Variants in BAZ1B observed in about 807,000 individuals in gnomAD.
BAZ1B encodes bromodomain adjacent to zinc finger domain 1B.
Under a neutral mutation model 153.8 loss-of-function variants are expected in BAZ1B, and 22 were observed. That is an observed-to-expected ratio of 0.14 (90% CI 0.10 to 0.20). The LOEUF is 0.20. BAZ1B is among the 10% of genes least tolerant of loss of function. The pLI is 1.00. For missense variants in BAZ1B, 1,325 were observed against 1,799.3 expected (o/e 0.74, Z 4.77); for synonymous variants, 676 against 633.4 (o/e 1.07, Z -1.01).
chr7:73,477,401 G>C lies in BAZ1B; in HGVS notation c.2060C>G (p.Ser687Cys). The C allele has an allele frequency of 6.2e-7, 1 of 1,614,272 alleles. No individual in the cohort carries two copies. Among genetic ancestry groups the C allele is most frequent in the South Asian group, 1.1e-5 (1 of 91,092 alleles). Residue 687 changes from serine to cysteine, a missense_variant, in exon 7 of 20, where the codon TCT becomes TGT. Coordinates refer to ENST00000339594, the MANE Select transcript of BAZ1B (RefSeq NM_032408.4). The surrounding 1 kb of genome is among the most constrained non-coding windows in gnomAD (Gnocchi z 5.6). ...GCAGAGCCGCACCAGCTCTGAAACAGAATGCAGAGTCAAGGGGATTTCCGA... is the reference window on the plus strand; with the variant it reads ...GCAGAGCCGCACCAGCTCTGAAACACAATGCAGAGTCAAGGGGATTTCCGA... ...KLSEIPLTLH[S>C]VSELVRLCLR...
intron 11 of BAZ1B, 99 bp from the exon 12 acceptor site, chr7:73,463,198 C>A: frequency 3.8e-5 from 39 of 1,021,914 alleles, no homozygotes; most frequent in Middle Eastern, 2.2e-4. Flanking sequence ...AGAAAACTTA[C>A]TTAGATCTCT....
At chr7:73,492,457 C>T (rs1464746976) in intron 5 of BAZ1B, among the ~76,000 whole-genome samples, 6 of 152,244 alleles carry the variant, frequency 3.9e-5, no homozygotes, top group East Asian at 1.9e-4. Context: ...CCACCACGCC[C>T]GGCCTGACTG....
At chr7:73,479,190 CCT>C (rs1354778402) in intron 6 of BAZ1B, among the ~76,000 whole-genome samples, 4 of 152,002 alleles carry the variant, frequency 2.6e-5, no homozygotes, top group African/African-American at 9.7e-5. Flanking sequence ...CTCAAACTCC[CCT>C]TTGTCCTCAC....
At chr7:73,494,307 C>T (rs944935425) in intron 4 of BAZ1B, among the ~76,000 whole-genome samples, 1 of 151,966 alleles carries the variant, frequency 6.6e-6, no homozygotes, top group Non-Finnish European at 1.5e-5. Flanking sequence ...TGCTTGAACC[C>T]GGGAGGTGGA....
rs1273524901 is a variant in BAZ1B, at chr7:73,470,473, T to C, written c.2604A>G (p.Glu868=). 6 of 1,612,618 alleles carry C rather than the reference T, an allele frequency of 3.7e-6. No homozygotes were observed. The highest frequency in any genetic ancestry group is 5.1e-6 in the Non-Finnish European group (6 of 1,179,606). ...GTATTCGTTCTTCTTCAGCTTGGCGTTCCAGTTTCACTGTTAAAAATAAAA... is the reference window on the plus strand; with the variant it reads ...GTATTCGTTCTTCTTCAGCTTGGCGCTCCAGTTTCACTGTTAAAAATAAAA... ...IQEREMKVKL[E]RQAEEERIRK... The change falls in exon 8 of 20, where the codon GAA becomes GAG. Residue 868 remains glutamate (E), a synonymous_variant. Transcript: ENST00000339594.
In BAZ1B at chr7:73,444,133, A is replaced by G. The variant is rs782145930; in HGVS notation, c.3845-4T>C. On this transcript the variant is annotated splice_polypyrimidine_tract_variant and splice_region_variant and intron_variant, in intron 16 of 19. Coordinates refer to ENST00000339594, the MANE Select transcript of BAZ1B (RefSeq NM_032408.4). ...CGGATGGTCTTTCGAGGTCTCACTG[A>G]AAGAAAAACTATGGATTCAGCAGAG... The G allele has an allele frequency of 6.3e-7, 1 of 1,588,212 alleles. No homozygotes were observed. Among genetic ancestry groups the G allele is most frequent in the Middle Eastern group, 1.7e-4 (1 of 5,950 alleles).
chr7:73,516,826 C>A (rs1380406892), intron 1 of BAZ1B, among the ~76,000 whole-genome samples: 1 of 148,696 alleles, frequency 6.7e-6, no homozygotes, highest in Admixed American at 6.8e-5. Flanking sequence ...TCCTACAACC[C>A]CTAACAACGG....
intron 8 of BAZ1B, among the ~76,000 whole-genome samples, 161 bp downstream of exon 8, chr7:73,470,184 T>C (rs1420862137): frequency 1.3e-5 from 2 of 152,240 alleles, no homozygotes; most frequent in Non-Finnish European, 2.9e-5. Context: ...AACTCTAGCA[T>C]TTGGCAGTTA....
chr7:73,497,039 A>G (rs142265173), intron 4 of BAZ1B, among the ~76,000 whole-genome samples: 25 of 147,240 alleles, frequency 1.7e-4, no homozygotes, highest in Non-Finnish European at 3.0e-4. Flanking sequence ...GACCAGCCTG[A>G]ACAACATCGT....
intron 5 of BAZ1B, 58 bp downstream of exon 5, chr7:73,492,742 C>G (rs980742169): frequency 7.4e-6 from 11 of 1,483,694 alleles, no homozygotes; most frequent in South Asian, 6.6e-5. Context: ...CAAAAGCAAC[C>G]CTATGATATT....
In BAZ1B at chr7:73,449,563, G is replaced by A. The variant is rs1787958857; in HGVS notation, c.3707C>T (p.Ala1236Val). 6.2e-7 allele frequency: 1 copy of A among 1,612,928 alleles called. No individual in the cohort carries two copies. ...TCACCTGCCACGGGAGTTGCGCCTG[G>A]CAGTAGCGGGCTGGCAAGCTGGGCA... is the stretch of plus-strand genomic sequence containing the variant. ...WQCPACQPAT[A>V]RRNSRGRNYT... Residue 1236 changes from alanine (A) to valine (V), a missense_variant, in exon 15 of 20, where the codon GCC becomes GTC. This residue lies in a region of BAZ1B where 271 missense variants were observed against 337.2 expected (regional missense o/e 0.80). Coordinates refer to ENST00000339594, the MANE Select transcript of BAZ1B (RefSeq NM_032408.4).
intron 1 of BAZ1B, among the ~76,000 whole-genome samples, chr7:73,512,152 A>G (rs1790610678): frequency 6.6e-6 from 1 of 151,522 alleles, no homozygotes; most frequent in African/African-American, 2.4e-5. Flanking sequence ...ATTTACCCAC[A>G]GCCCTCCAGT....
At chr7:73,475,829 C>T (rs1426143106) in intron 7 of BAZ1B, among the ~76,000 whole-genome samples, 2 of 149,430 alleles carry the variant, frequency 1.3e-5, no homozygotes, top group Non-Finnish European at 3.0e-5. Context: ...GAGGCTGAGG[C>T]AGGAGAATCG....
Position 73,508,425 on chromosome 7 carries a change from T to C in BAZ1B, c.271A>G (p.Met91Val), listed in dbSNP as rs1790433031. Residue 91 changes from methionine to valine, a missense_variant, in exon 3 of 20, where the codon ATG (methionine) becomes GTG (valine). Met to Val is a conservative substitution (Grantham distance 21). Coordinates refer to ENST00000339594, the MANE Select transcript of BAZ1B (RefSeq NM_032408.4). ...PAWYEKLVLE[M>V]VHHNTASLEK... is the part of the protein sequence containing the mutation. Reference sequence around the variant, plus strand: ...AAGGAGGCTGTGTTATGGTGAACCATTTCCAGAACAAGCTTCTCATACCAG... The same window carrying C: ...AAGGAGGCTGTGTTATGGTGAACCACTTCCAGAACAAGCTTCTCATACCAG... 1 of 1,613,422 alleles carries C rather than the reference T, an allele frequency of 6.2e-7. No individual in the cohort carries two copies. Among genetic ancestry groups the C allele is most frequent in the African/African-American group, 1.3e-5 (1 of 74,926 alleles).
intron 9 of BAZ1B, among the ~76,000 whole-genome samples, chr7:73,467,603 T>G (rs1788645010): frequency 6.6e-6 from 1 of 152,158 alleles, no homozygotes; most frequent in Non-Finnish European, 1.5e-5. Flanking sequence ...ACTCTTGAGC[T>G]CAAGTGATCC....
intron 5 of BAZ1B, among the ~76,000 whole-genome samples, chr7:73,491,972 C>T (rs1377062675): frequency 1.3e-5 from 2 of 150,220 alleles, no homozygotes; most frequent in African/African-American, 2.4e-5. Context: ...ATCTTAGTTC[C>T]AATCAGCAAA....
intron 12 of BAZ1B, among the ~76,000 whole-genome samples, chr7:73,461,890 G>C (rs1788408315): frequency 6.6e-6 from 1 of 152,192 alleles, no homozygotes; most frequent in African/African-American, 2.4e-5. Flanking sequence ...TGGAGTTTGA[G>C]ATCAGCCAGG....
intron 16 of BAZ1B, 38 bp downstream of exon 16, chr7:73,447,226 A>G (rs782318562): frequency 1.2e-6 from 2 of 1,612,664 alleles, no homozygotes; most frequent in South Asian, 1.1e-5. Flanking sequence ...AGCTTAGAAG[A>G]CTGTGAAATC....
At chr7:73,486,198 T>C (rs1482656580) in intron 6 of BAZ1B, among the ~76,000 whole-genome samples, 2 of 152,190 alleles carry the variant, frequency 1.3e-5, no homozygotes, top group African/African-American at 4.8e-5. Flanking sequence ...ACAAAGATTT[T>C]AGAAAACCAC....
Sources: gnomAD v4.1 joint callset for allele counts (sites outside exome capture counted in the v4.1 genomes callset) on GRCh38, gnomAD v4.1.1 for gene constraint, gnomAD v4.1.1 regional missense constraint, Gnocchi (gnomAD v3.1) non-coding constraint, MANE v1.5 for transcripts, NCBI Gene and HGNC (gene_info 2026-07-23, HGNC 2026-07-21) for gene names.